DGKK: variants seen among roughly 807,000 people sequenced by gnomAD.
DGKK encodes 142 kDa diacylglycerol kinase.
DGKK carries 35 observed loss-of-function variants against 92.2 expected under a neutral mutation model. The observed-to-expected ratio is 0.38, with a 90% CI of 0.29 to 0.50. The LOEUF is 0.50. Ranked by LOEUF, DGKK falls within the 20% of genes least tolerant of loss-of-function variation. The pLI is 0.92. For synonymous variants in DGKK, 368 were observed against 360.6 expected, an observed-to-expected ratio of 1.02 and a Z score of -0.23; for missense variants, 910 against 992.2, an observed-to-expected ratio of 0.92 and a Z score of 1.11.
chrX:50,399,072 T>C (rs1163175250), intron 8 of DGKK, among the ~76,000 whole-genome samples: 1 of 112,460 alleles, frequency 8.9e-6, no homozygotes, highest in Non-Finnish European at 1.9e-5. Context: ...GAATAATATA[T>C]GCATGTATAC....
At chrX:50,448,154 G>T (rs1192102399) in intron 1 of DGKK, among the ~76,000 whole-genome samples, 1 of 110,686 alleles carries the variant, frequency 9.0e-6, no homozygotes, top group Admixed American at 9.6e-5. Context: ...TTTTGGGTGG[G>T]AATACTTTTA....
At chrX:50,377,315 A>G (rs1336051672) in intron 22 of DGKK, among the ~76,000 whole-genome samples, 2 of 112,242 alleles carry the variant, frequency 1.8e-5, no homozygotes, top group East Asian at 5.6e-4. Context: ...AGCCAAACAT[A>G]TCTAATTTAA....
chrX:50,397,309 G>A lies in DGKK; in HGVS notation c.1411+3728C>T, dbSNP rs782032802. Among the ~76,000 whole-genome samples the A allele has an allele frequency of 4.9e-4, 55 of 112,234 alleles. 1 individual carries two copies. Among genetic ancestry groups the A allele is most frequent in the Admixed American group, 4.1e-3 (43 of 10,616 alleles). ...TTCTGTTCACTCCAAAGAAAGATGC[G>A]AAATTGGCATAGGTTGGCTTACCAT... On this transcript the variant is annotated intron_variant, in intron 8 of 27. Coordinates refer to ENST00000611977, the MANE Select transcript of DGKK (RefSeq NM_001013742.4).
chrX:50,418,134 C>T (rs2147135072), intron 4 of DGKK, among the ~76,000 whole-genome samples: 1 of 111,582 alleles, frequency 9.0e-6, no homozygotes, highest in African/African-American at 3.2e-5. Flanking sequence ...TAACTCTTCC[C>T]AGAGGACTCC....
At chrX:50,466,604 A>T (rs1423898259) in intron 1 of DGKK, among the ~76,000 whole-genome samples, 1 of 111,785 alleles carries the variant, frequency 8.9e-6, no homozygotes, top group Admixed American at 9.5e-5. Flanking sequence ...AACCAATGAG[A>T]ACAAATTTTT....
chrX:50,391,465 C>G lies in DGKK; in HGVS notation c.1816G>C (p.Glu606Gln), dbSNP rs781909766. The G allele has an allele frequency of 1.2e-5, 15 of 1,211,554 alleles. No homozygotes were observed. Among genetic ancestry groups the G allele is most frequent in the Non-Finnish European group, 1.1e-5 (10 of 895,268 alleles). Residue 606 changes from glutamate (E) to glutamine (Q), a missense_variant, in exon 11 of 28, where the codon GAG becomes CAG. Physicochemically the swap from Glu to Gln is conservative, Grantham distance 29 (BLOSUM62 2). Transcript: ENST00000611977. ...KSPLDILNRV[E>Q]QASVRILDRW... is the part of the protein sequence containing the mutation. ...TCTAGGATCCTCACACTAGCCTGCTCCACTCTGTTGAGGATGTCCAGAGGT... is the reference window on the plus strand; with the variant it reads ...TCTAGGATCCTCACACTAGCCTGCTGCACTCTGTTGAGGATGTCCAGAGGT...
chrX:50,393,041 C>T (rs782489933), intron 9 of DGKK, 111 bp downstream of exon 9: 1 of 651,945 alleles, frequency 1.5e-6, no homozygotes, highest in Non-Finnish European at 2.3e-6. Flanking sequence ...AGAAAATAGA[C>T]CTTTCCTGCC....
chrX:50,417,024 T>C (rs1925453177), intron 4 of DGKK, among the ~76,000 whole-genome samples: 1 of 107,809 alleles, frequency 9.3e-6, no homozygotes, highest in South Asian at 4.2e-4. Flanking sequence ...CAACTGAACC[T>C]CTCTGAGGCT....
intron 8 of DGKK, 87 bp from the exon 9 acceptor site, chrX:50,393,422 T>G: frequency 6.4e-6 from 5 of 781,082 alleles, no homozygotes; most frequent in African/African-American, 2.1e-5. Flanking sequence ...CATTTTGCAA[T>G]AACTTTTTGA....
At chrX:50,384,885 A>C (rs1343777110) in intron 15 of DGKK, 61 bp from the exon 16 acceptor site, 1 of 836,553 alleles carries the variant, frequency 1.2e-6, no homozygotes, top group African/African-American at 2.0e-5. Context: ...GGGAGGAAGA[A>C]AGGAGGGAGG....
intron 1 of DGKK, among the ~76,000 whole-genome samples, chrX:50,431,058 G>A (rs377127393): frequency 1.8e-5 from 2 of 109,843 alleles, no homozygotes; most frequent in African/African-American, 6.7e-5. Context: ...AAGAGACAGG[G>A]TCTTGTTCTG....
chrX:50,374,206 G>C (rs1924212326), intron 25 of DGKK, among the ~76,000 whole-genome samples: 1 of 111,785 alleles, frequency 8.9e-6, no homozygotes, highest in Non-Finnish European at 1.9e-5. Context: ...GGATAGGGTA[G>C]GCCCCAATCC....
At chrX:50,415,149 T>C (rs1026659660) in intron 4 of DGKK, among the ~76,000 whole-genome samples, 1 of 111,388 alleles carries the variant, frequency 9.0e-6, no homozygotes, top group Admixed American at 9.5e-5. Flanking sequence ...AATCATGCCA[T>C]GAATAGGGCC....
intron 2 of DGKK, among the ~76,000 whole-genome samples, chrX:50,423,475 A>G (rs1394331378): frequency 8.9e-6 from 1 of 112,146 alleles, no homozygotes; most frequent in Non-Finnish European, 1.9e-5. Flanking sequence ...AAGAACCAAG[A>G]AGCCCTATTG....
chrX:50,375,985 G>A, intron 24 of DGKK, 39 bp downstream of exon 24: 5 of 1,192,959 alleles, frequency 4.2e-6, no homozygotes, highest in Non-Finnish European at 5.7e-6. Context: ...TTTCCTATCT[G>A]GTTTGACTCC....
At chrX:50,393,643 T>C (rs1557225807) in intron 8 of DGKK, among the ~76,000 whole-genome samples, 1 of 111,910 alleles carries the variant, frequency 8.9e-6, no homozygotes, top group Non-Finnish European at 1.9e-5. Context: ...CACAACAGTA[T>C]GTTGGAACAT....
intron 9 of DGKK, among the ~76,000 whole-genome samples, 174 bp downstream of exon 9, chrX:50,392,978 T>C (rs1329883977): frequency 1.8e-5 from 2 of 112,341 alleles, no homozygotes; most frequent in Non-Finnish European, 3.8e-5. Context: ...CTAAGAGCCC[T>C]CCTACCAGCC....
rs1218306081 is a variant in DGKK at position 50,466,023 on chromosome X, T to C, written c.645+4011A>G. Among the ~76,000 whole-genome samples, 6 of 87,762 alleles carry C rather than the reference T, an allele frequency of 6.8e-5. No homozygotes were observed. In the East Asian group the frequency reaches 1.1e-3, roughly 16 times the overall value. 76.2% of individuals were successfully genotyped at this position (87,762 alleles called of 115,157 possible). On this transcript the variant is annotated intron_variant, in intron 1 of 27. Coordinates refer to ENST00000611977, the MANE Select transcript of DGKK (RefSeq NM_001013742.4). ...TTTTTTCTTTTTCTTTTTTCTTTTT[T>C]TTTTTTTTTTTTTTTTTTGCCTTTC...
chrX:50,381,051 G>T (rs1251816113), intron 18 of DGKK, among the ~76,000 whole-genome samples: 1 of 111,983 alleles, frequency 8.9e-6, no homozygotes, highest in Non-Finnish European at 1.9e-5. Context: ...ACTTGCATAG[G>T]ATAGACACAT....
Sources: allele counts gnomAD v4.1 joint callset (sites outside exome capture counted in the v4.1 genomes callset), GRCh38; gene constraint gnomAD v4.1.1; transcripts MANE v1.5; gene names NCBI Gene and HGNC (gene_info 2026-07-23, HGNC 2026-07-21).